LRWD1: variants seen among roughly 807,000 people sequenced by gnomAD.
LRWD1 encodes leucine rich repeats and WD repeat domain containing 1.
In LRWD1, 76 loss-of-function variants were observed where a neutral mutation model predicts 75.6. The ratio of observed to expected loss-of-function variants is 1.01; its 90% CI spans 0.84 to 1.22. LRWD1 has a LOEUF of 1.22. Among genes scored for constraint, LRWD1 ranks in the 50% most tolerant of loss-of-function variants. The pLI is 0.00. For missense variants in LRWD1, 917 were observed against 862.0 expected (o/e 1.06, Z -0.80); for synonymous variants, 487 against 377.0 (o/e 1.29, Z -3.38).
In LRWD1 at chr7:102,465,904, C is replaced by T. The variant is rs763373946; in HGVS notation, c.168C>T (p.Asn56=). 1.2e-6 allele frequency: 2 copies of T among 1,613,772 alleles called. No individual in the cohort carries two copies. Among genetic ancestry groups the T allele is most frequent in the Admixed American group, 1.7e-5 (1 of 60,010 alleles). Residue 56 remains asparagine, a synonymous_variant, in exon 2 of 15, where the codon AAC becomes AAT. Transcript: ENST00000292616. ...AGCTGCAGGAGCTTGACCTGTCTAA[C>T]AACCACCTGGAGACGCTGCCGGACA... ...LTQLQELDLS[N]NHLETLPDNL...
intron 3 of LRWD1, among the ~76,000 whole-genome samples, chr7:102,466,901 CT>C (rs1798001949): frequency 6.6e-6 from 1 of 150,880 alleles, no homozygotes; most frequent in Non-Finnish European, 1.5e-5. Context: ...CCGCCTTAGC[CT>C]TCTGAATAGC....
Position 102,468,893 on chromosome 7 carries a change from C to T in LRWD1, c.1059C>T (p.Val353=), listed in dbSNP as rs1276042426. Residue 353 remains valine (V), a synonymous_variant, in exon 9 of 15, where the codon GTC becomes GTT. Transcript: ENST00000292616. The part of the protein sequence containing the change: ...FSVAWTALMV[V]TQAGHKKRWS... The stretch of plus-strand genomic sequence containing the variant: ...TGGCCTGGACCGCTCTGATGGTGGT[C>T]ACACAGGCTGGCCACAAGAAGCGCT... 1.9e-6 allele frequency: 3 copies of T among 1,612,668 alleles called. No individual in the cohort carries two copies. Among genetic ancestry groups the T allele is most frequent in the Non-Finnish European group, 2.5e-6 (3 of 1,179,988 alleles).
rs1418239333 is a variant in LRWD1 at position 102,465,488 on chromosome 7, GCTTTTTTTTTTTTTTTTTTTTTTT to G, written c.81-328_81-305del. 6 of 108,030 alleles carry G rather than the reference GCTTTTTTTTTTTTTTTTTTTTTTT, an allele frequency of 5.6e-5. 1 individual carries two copies. Among genetic ancestry groups the G allele is most frequent in the Admixed American group, 1.1e-4 (1 of 8,982 alleles). 6.7% of individuals were successfully genotyped at this position (108,030 alleles called of 1,614,324 possible). On this transcript the variant is annotated intron_variant, in intron 1 of 14. Coordinates refer to ENST00000292616, the MANE Select transcript of LRWD1 (RefSeq NM_152892.3). ...GCCCCCGAGTCCTAAAGTAGTTGCA[GCTTTTTTTTTTTTTTTTTTTTTTT>G]TTTTTTTTTTTTTGTTAAGTGGTGT...
At position 102,472,674 on chromosome 7, in the gene LRWD1, C is replaced by T. The variant is rs751654617; in HGVS notation, c.1691-18C>T. 1.9e-6 allele frequency: 3 copies of T among 1,613,290 alleles called. No homozygotes were observed. The highest frequency in any genetic ancestry group is 2.5e-6 in the Non-Finnish European group (3 of 1,179,854). On this transcript the variant is annotated intron_variant, in intron 13 of 14. Transcript: ENST00000292616. The stretch of plus-strand genomic sequence containing the variant: ...CGGGAGCTCTGCCCCCACTCAGACT[C>T]CACCTCTGTCCCGGCAGATAAGGGG...
rs758064778 is a variant in LRWD1, at chr7:102,466,026, G to T, written c.290G>T (p.Ser97Ile). 11 of 1,614,060 alleles carry T rather than the reference G, an allele frequency of 6.8e-6. No individual in the cohort carries two copies. The highest frequency in any genetic ancestry group is 6.6e-5 in the South Asian group (6 of 91,086). ...LCQFPKLEEL[S>I]LEGNPFLTVN... ...CAGTTCCCCAAGCTCGAGGAACTCA[G>T]CCTGGAGGGCAACCCCTTCCTGACG... The change falls in exon 2 of 15, where the codon AGC (serine) becomes ATC (isoleucine). Residue 97 changes from serine to isoleucine, a missense_variant. Ser to Ile is a moderately radical substitution (Grantham distance 142). Transcript: ENST00000292616.
In LRWD1 at chr7:102,466,229, T is replaced by C; in HGVS notation, c.391T>C (p.Tyr131His). Residue 131 changes from tyrosine to histidine, a missense_variant, in exon 3 of 15, where the codon TAC (tyrosine) becomes CAC (histidine). Physicochemically the swap from Tyr to His is moderately conservative, Grantham distance 83. Transcript: ENST00000292616. ...CAATGGCAAGGATGCGTCCTCAACT[T>C]ACTCTCAGGTGGAGAACCTGAATCG... ...KVNGKDASST[Y>H]SQVENLNREL... The C allele has an allele frequency of 6.2e-7, 1 of 1,614,112 alleles. No homozygotes were observed. The highest frequency in any genetic ancestry group is 8.5e-7 in the Non-Finnish European group (1 of 1,180,022).
Position 102,469,832 on chromosome 7 carries a change from G to GGGC in LRWD1, c.1396_1398dup (p.Gly466dup), listed in dbSNP as rs2133270139. ...ACGCCCGCCTGCTGGCCGGCTGCGA[G>GGGC]GGCGGCTGCTGCTGCTGGGACGTGC... On this transcript the variant is annotated inframe_insertion, in exon 11 of 15. Coordinates refer to ENST00000292616, the MANE Select transcript of LRWD1 (RefSeq NM_152892.3). 2 of 1,605,082 alleles carry GGGC rather than the reference G, an allele frequency of 1.2e-6. No individual in the cohort carries two copies. Among genetic ancestry groups the GGGC allele is most frequent in the Non-Finnish European group, 1.7e-6 (2 of 1,176,478 alleles).
At position 102,465,997 on chromosome 7, in the gene LRWD1, G is replaced by C. The variant is rs143977682; in HGVS notation, c.261G>C (p.Leu87Phe). Residue 87 changes from leucine to phenylalanine, a missense_variant, in exon 2 of 15, where the codon TTG becomes TTC. By Grantham distance (22) the Leu-to-Phe change is conservative. Transcript: ENST00000292616. Reference protein sequence around the residue: ...ANNQLGDVTALCQFPKLEELS... With the variant: ...ANNQLGDVTAFCQFPKLEELS... ...ACCAGCTGGGGGATGTTACTGCCTTGTGCCAGTTCCCCAAGCTCGAGGAAC... is the reference window on the plus strand; with the variant it reads ...ACCAGCTGGGGGATGTTACTGCCTTCTGCCAGTTCCCCAAGCTCGAGGAAC... The C allele has an allele frequency of 2.1e-4, 336 of 1,614,026 alleles. 1 individual carries two copies. The African/African-American group carries it at 3.7e-3, about 18-fold the overall frequency.
At chr7:102,471,512 C>T (rs1586743675) in intron 11 of LRWD1, 2 of 154,836 alleles carry the variant, frequency 1.3e-5, no homozygotes, top group African/African-American at 2.4e-5. Flanking sequence ...CACCAGCAGC[C>T]CCTGGGCCGC....
chr7:102,467,171 G>GTGTGTGTGTTTGT, intron 3 of LRWD1, among the ~76,000 whole-genome samples, 168 bp from the exon 4 acceptor site: 1 of 99,144 alleles, frequency 1.0e-5, no homozygotes, highest in Middle Eastern at 4.8e-3. Context: ...GTGTGTGTGG[G>GTGTGTGTGTTTGT]GTGTGTGTGT....
chr7:102,470,175 A>C (rs1293651478), intron 11 of LRWD1: 5 of 390,056 alleles, frequency 1.3e-5, no homozygotes, highest in African/African-American at 1.0e-4. Flanking sequence ...GCCACTCATC[A>C]GCAGTGTGAT....
Position 102,467,753 on chromosome 7 carries a change from G to C in LRWD1, c.608G>C (p.Ser203Thr). The change falls in exon 5 of 15, where the codon AGT becomes ACT. Residue 203 changes from serine (S) to threonine (T), a missense_variant. By Grantham distance (58) the Ser-to-Thr change is moderately conservative (BLOSUM62 1). Coordinates refer to ENST00000292616, the MANE Select transcript of LRWD1 (RefSeq NM_152892.3). ...RMISEELVAA[S>T]RTQVQKANSP... ...ATCTCTGAGGAGCTGGTGGCCGCCA[G>C]TAGGACCCAGGTGCAAAAGGCTAAC... 6.4e-7 allele frequency: 1 copy of C among 1,551,970 alleles called. No homozygotes were observed. The highest frequency in any genetic ancestry group is 8.7e-7 in the Non-Finnish European group (1 of 1,147,258).
intron 3 of LRWD1, among the ~76,000 whole-genome samples, chr7:102,466,840 G>A (rs1455994269): frequency 1.6e-5 from 2 of 125,754 alleles, no homozygotes; most frequent in Non-Finnish European, 3.1e-5. Flanking sequence ...AAGTGCAGTG[G>A]TGTGATCGTA....
rs773072567 is a variant in LRWD1 at position 102,466,139 on chromosome 7, C to T, written c.316-15C>T. On this transcript the variant is annotated splice_polypyrimidine_tract_variant and intron_variant, in intron 2 of 14. Coordinates refer to ENST00000292616, the MANE Select transcript of LRWD1 (RefSeq NM_152892.3). ...GCATCTCCTGAGCCACTGCTCTTCACCCTCTCTTCCCCAGGTCAATGACAA... is the reference window on the plus strand; with the variant it reads ...GCATCTCCTGAGCCACTGCTCTTCATCCTCTCTTCCCCAGGTCAATGACAA... 1.2e-5 allele frequency: 19 copies of T among 1,613,288 alleles called. No individual in the cohort carries two copies. Among genetic ancestry groups the T allele is most frequent in the African/African-American group, 5.3e-5 (4 of 74,924 alleles).
In LRWD1 at chr7:102,472,774, G is replaced by A. The variant is rs1798249677; in HGVS notation, c.1773G>A (p.Leu591=). Residue 591 remains leucine (L), a synonymous_variant, in exon 14 of 15, where the codon CTG becomes CTA. Transcript: ENST00000292616. ...DVSNILKQPP[L]LPAALQAPTQ... ...GCAACATCCTGAAGCAGCCACCCCT[G>A]CTGCCGGCAGCCCTGCAGGCCCCCA... 1 of 1,613,450 alleles carries A rather than the reference G, an allele frequency of 6.2e-7. No individual in the cohort carries two copies. The highest frequency in any genetic ancestry group is 1.3e-5 in the African/African-American group (1 of 75,058).
In LRWD1 at chr7:102,465,792, C is replaced by T. The variant is rs370869046; in HGVS notation, c.81-25C>T. On this transcript the variant is annotated intron_variant, in intron 1 of 14. Coordinates refer to ENST00000292616, the MANE Select transcript of LRWD1 (RefSeq NM_152892.3). ...GTAGGGTGCAAAGCCTGCCCGCCCC[C>T]TAAGCCTTCTGCCCCCAACTCCAGC... 1.2e-4 allele frequency: 195 copies of T among 1,593,030 alleles called. No individual in the cohort carries two copies. The African/African-American group carries it at 2.4e-3, about 20-fold the overall frequency.
rs1007523343 is a variant in LRWD1 at position 102,465,489 on chromosome 7, CTTTTTTTTTTTTTTTTTTTTT to C, written c.81-312_81-292del. On this transcript the variant is annotated intron_variant, in intron 1 of 14. Transcript: ENST00000292616. ...CCCCCGAGTCCTAAAGTAGTTGCAG[CTTTTTTTTTTTTTTTTTTTTT>C]TTTTTTTTTTTTTTTGTTAAGTGGT... 6.2e-4 allele frequency: 46 copies of C among 73,718 alleles called. 4 individuals carry two copies. The highest frequency in any genetic ancestry group is 2.6e-3 in the Admixed American group (12 of 4,656). 4.6% of individuals were successfully genotyped at this position (73,718 alleles called of 1,614,324 possible).
At chr7:102,467,957 C>A in intron 5 of LRWD1, 105 bp from the exon 6 acceptor site, 1 of 1,516,890 alleles carries the variant, frequency 6.6e-7, no homozygotes, top group Non-Finnish European at 8.8e-7. Flanking sequence ...TGACCCCGGG[C>A]CAGCCTGGGC....
intron 3 of LRWD1, among the ~76,000 whole-genome samples, chr7:102,467,014 G>A (rs946584486): frequency 3.4e-4 from 52 of 151,490 alleles, no homozygotes; most frequent in African/African-American, 1.0e-3. Flanking sequence ...GGCCTCAAGC[G>A]ATGCTTCTTC....
Sources: gnomAD v4.1 joint callset for allele counts (sites outside exome capture counted in the v4.1 genomes callset) on GRCh38, gnomAD v4.1.1 for gene constraint, MANE v1.5 for transcripts, NCBI Gene and HGNC (gene_info 2026-07-23, HGNC 2026-07-21) for gene names.